The following ATP13A4 variants were observed in gnomAD, a reference collection of about 807,000 sequenced individuals.
The protein encoded by ATP13A4 is probable cation-transporting ATPase 13A4.
In ATP13A4, 114 loss-of-function variants were observed where a neutral mutation model predicts 142.5. That is an observed-to-expected ratio of 0.80 (90% CI 0.69 to 0.93). ATP13A4 has a LOEUF of 0.93. Among genes scored for constraint, ATP13A4 ranks in the 40% least tolerant of loss-of-function variants. The pLI, the probability that ATP13A4 is intolerant of heterozygous loss-of-function variation, is 0.00. For missense variants in ATP13A4, 1,392 were observed against 1,454.0 expected, an observed-to-expected ratio of 0.96 and a Z score of 0.69; for synonymous variants, 488 against 514.8, an observed-to-expected ratio of 0.95 and a Z score of 0.70.
intron 25 of ATP13A4, among the ~76,000 whole-genome samples, chr3:193,427,250 G>A: frequency 6.6e-6 from 1 of 152,118 alleles, no homozygotes; most frequent in East Asian, 1.9e-4. Flanking sequence ...TACAAGGGAT[G>A]TGAAGGATCT....
At chr3:193,433,744 C>G in intron 25 of ATP13A4, 101 bp downstream of exon 25, 1 of 812,692 alleles carries the variant, frequency 1.2e-6, no homozygotes, top group Non-Finnish European at 2.2e-6. Flanking sequence ...ATCATTGCTG[C>G]TGTTGCAGCT....
chr3:193,563,134 GA>G, intron 2 of ATP13A4, among the ~76,000 whole-genome samples: 1 of 152,198 alleles, frequency 6.6e-6, no homozygotes, highest in East Asian at 1.9e-4. Flanking sequence ...CGGTACTTGA[GA>G]ATTTTTTTCT....
At chr3:193,527,658 G>A (rs1722088056) in intron 1 of ATP13A4, among the ~76,000 whole-genome samples, 1 of 150,330 alleles carries the variant, frequency 6.7e-6, no homozygotes, top group Admixed American at 6.6e-5. Context: ...CTGCCTTCCT[G>A]CCGCCATGTA....
chr3:193,495,682 C>T (rs1720184410), intron 3 of ATP13A4, among the ~76,000 whole-genome samples: 1 of 152,042 alleles, frequency 6.6e-6, no homozygotes, highest in Non-Finnish European at 1.5e-5. Flanking sequence ...GACAGGAATG[C>T]CTGTTTTCAT....
At chr3:193,560,023 G>A (rs548265819) in intron 2 of ATP13A4, among the ~76,000 whole-genome samples, 4 of 152,228 alleles carry the variant, frequency 2.6e-5, no homozygotes, top group African/African-American at 7.2e-5. Flanking sequence ...ACAAGTTATG[G>A]TGCTATTATT....
intron 2 of ATP13A4, among the ~76,000 whole-genome samples, chr3:193,576,371 A>G (rs889489962): frequency 1.5e-5 from 2 of 136,336 alleles, no homozygotes; most frequent in Non-Finnish European, 3.0e-5. Context: ...TCCCGGGTTC[A>G]CGCCATTCTC....
chr3:193,514,951 G>T, intron 1 of ATP13A4, 80 bp from the exon 2 acceptor site: 1 of 1,492,088 alleles, frequency 6.7e-7, no homozygotes. Context: ...TTTAGTGATG[G>T]AAATGGGGGC....
At chr3:193,550,497 G>T (rs1007721734) in intron 1 of ATP13A4, among the ~76,000 whole-genome samples, 2 of 151,916 alleles carry the variant, frequency 1.3e-5, no homozygotes, top group African/African-American at 2.4e-5. Flanking sequence ...TTATAGACAG[G>T]GTTTCACTAT....
intron 25 of ATP13A4, among the ~76,000 whole-genome samples, chr3:193,415,529 C>A (rs574137575): frequency 2.0e-5 from 3 of 152,174 alleles, no homozygotes; most frequent in Non-Finnish European, 4.4e-5. Flanking sequence ...CTGAAGATAG[C>A]CTGCATTCCC....
At chr3:193,537,483 T>C (rs931760411) in intron 1 of ATP13A4, among the ~76,000 whole-genome samples, 2 of 152,142 alleles carry the variant, frequency 1.3e-5, no homozygotes, top group Admixed American at 6.5e-5. Context: ...AGAAAAAATG[T>C]TGGAGAAAAT....
At chr3:193,408,169 G>A (rs1049014172) in intron 28 of ATP13A4, among the ~76,000 whole-genome samples, 2 of 152,256 alleles carry the variant, frequency 1.3e-5, no homozygotes, top group African/African-American at 2.4e-5. Context: ...TGCCTCATAC[G>A]TTAGTGGGAG....
intron 1 of ATP13A4, among the ~76,000 whole-genome samples, chr3:193,583,449 T>TA (rs1331541479): frequency 6.6e-6 from 1 of 151,132 alleles, no homozygotes; most frequent in East Asian, 1.9e-4. Context: ...TAAAATAAAA[T>TA]AAATAAATAA....
intron 27 of ATP13A4, among the ~76,000 whole-genome samples, chr3:193,411,319 T>C (rs1200995548): frequency 1.3e-5 from 2 of 152,202 alleles, no homozygotes; most frequent in Non-Finnish European, 2.9e-5. Flanking sequence ...TAGATATACA[T>C]AGGGTAACAT....
At chr3:193,530,060 C>A (rs1333009727) in intron 1 of ATP13A4, among the ~76,000 whole-genome samples, 1 of 152,130 alleles carries the variant, frequency 6.6e-6, no homozygotes, top group Non-Finnish European at 1.5e-5. Context: ...AAATACCTTT[C>A]CCTTCTCTCA....
chr3:193,416,144 T>A (rs1602187), intron 25 of ATP13A4, among the ~76,000 whole-genome samples: 8,931 of 152,232 alleles, frequency 0.059, 479 homozygotes, highest in East Asian at 0.18. Context: ...AACAGGGACA[T>A]ATGCGATCTC....
At chr3:193,422,327 T>C (rs1387270244) in intron 25 of ATP13A4, among the ~76,000 whole-genome samples, 1 of 149,578 alleles carries the variant, frequency 6.7e-6, no homozygotes, top group Non-Finnish European at 1.5e-5. Context: ...CAACTAGACA[T>C]AAAATTGACA....
At position 193,402,773 on chromosome 3, in the gene ATP13A4, T is replaced by C. The variant is rs1576926178; in HGVS notation, c.3470A>G (p.Asp1157Gly). The C allele has an allele frequency of 6.2e-7, 1 of 1,614,036 alleles. No individual in the cohort carries two copies. The highest frequency in any genetic ancestry group is 1.1e-5 in the South Asian group (1 of 91,064). Residue 1157 changes from aspartate to glycine, a missense_variant, in exon 30 of 30, where the codon GAC becomes GGC. Physicochemically the swap from Asp to Gly is moderately conservative, Grantham distance 94. Coordinates refer to ENST00000342695, the MANE Select transcript of ATP13A4 (RefSeq NM_032279.4). Reference protein sequence around the residue: ...SKSQYRIWQRDLANDPSWPPL... With the variant: ...SKSQYRIWQRGLANDPSWPPL... ...GGGCCAACTAGGGTCATTTGCCAAG[T>C]CCCTCTGCCATATCCGATACTGGCT...
At chr3:193,550,305 GTTT>G (rs66816945) in intron 1 of ATP13A4, among the ~76,000 whole-genome samples, 8 of 131,956 alleles carry the variant, frequency 6.1e-5, no homozygotes, top group South Asian at 4.9e-4. Flanking sequence ...TGAATTTTAG[GTTT>G]TTTTTTTTTT....
intron 1 of ATP13A4, among the ~76,000 whole-genome samples, chr3:193,582,482 AT>A (rs1289228303): frequency 6.9e-6 from 1 of 144,460 alleles, no homozygotes; most frequent in Non-Finnish European, 1.5e-5. Context: ...TACATATAAT[AT>A]ATACATGTAT....
Sources: gnomAD v4.1 joint callset for allele counts (sites outside exome capture counted in the v4.1 genomes callset) on GRCh38, gnomAD v4.1.1 for gene constraint, MANE v1.5 for transcripts, NCBI Gene and HGNC (gene_info 2026-07-23, HGNC 2026-07-21) for gene names.